NCOA2: variants seen among roughly 807,000 people sequenced by gnomAD.
The protein encoded by NCOA2 is nuclear receptor coactivator 2, also known as class E basic helix-loop-helix protein 75.
Under a neutral mutation model 145.1 loss-of-function variants are expected in NCOA2, and 21 were observed. The observed-to-expected ratio is 0.14, with a 90% confidence interval of 0.10 to 0.21. NCOA2 has a LOEUF of 0.21. Among genes scored for constraint, NCOA2 ranks in the 10% least tolerant of loss-of-function variants. NCOA2 has a pLI of 1.00. For missense variants in NCOA2, 1,472 were observed against 1,837.6 expected, an observed-to-expected ratio of 0.80 and a Z score of 3.64; for synonymous variants, 619 against 637.5, an observed-to-expected ratio of 0.97 and a Z score of 0.44.
chr8:70,440,639 G>A, the NCOA2 span, among the ~76,000 whole-genome samples: 1 of 146,788 alleles, frequency 6.8e-6, no homozygotes, highest in Non-Finnish European at 1.5e-5. Context: ...AAGAAAGAAA[G>A]AAGAGAGAGA....
intron 2 of NCOA2, among the ~76,000 whole-genome samples, chr8:70,270,667 ATTCTGCTTTAGTCTT>A (rs1217259595): frequency 6.6e-6 from 1 of 152,202 alleles, no homozygotes; most frequent in East Asian, 1.9e-4. Flanking sequence ...CCATAAAAAA[ATTCTGCTTTAGTCTT>A]TTCTGCTACC....
chr8:70,442,893 A>G, the NCOA2 span, among the ~76,000 whole-genome samples: 1 of 152,186 alleles, frequency 6.6e-6, no homozygotes, highest in Non-Finnish European at 1.5e-5. Context: ...AATGTCTCAC[A>G]TTTCATTATC....
chr8:70,137,055 T>C (rs908148162), intron 15 of NCOA2, among the ~76,000 whole-genome samples: 1 of 152,222 alleles, frequency 6.6e-6, no homozygotes, highest in Non-Finnish European at 1.5e-5. Flanking sequence ...ATGCTGACTC[T>C]ATCACTGGAG....
chr8:70,244,757 C>T (rs1029821693), intron 2 of NCOA2, among the ~76,000 whole-genome samples: 12 of 151,056 alleles, frequency 7.9e-5, no homozygotes, highest in African/African-American at 2.9e-4. Flanking sequence ...TACAAACAAG[C>T]GTGACACTGT....
intron 1 of NCOA2, among the ~76,000 whole-genome samples, chr8:70,392,880 G>T (rs542599353): frequency 6.6e-5 from 10 of 152,320 alleles, no homozygotes; most frequent in African/African-American, 2.4e-4. Context: ...TATTGTTTCT[G>T]ATTTGAAGGT....
chr8:70,165,482 C>T (rs1462689321), intron 7 of NCOA2, among the ~76,000 whole-genome samples: 3 of 152,220 alleles, frequency 2.0e-5, no homozygotes, highest in Non-Finnish European at 2.9e-5. Context: ...ATTATGTAGC[C>T]GGGGATGTTT....
At chr8:70,255,339 A>G (rs556003322) in intron 2 of NCOA2, among the ~76,000 whole-genome samples, 3 of 152,390 alleles carry the variant, frequency 2.0e-5, no homozygotes, top group Non-Finnish European at 2.9e-5. Flanking sequence ...TGTATCAACT[A>G]AACAAGAGAA....
intron 1 of NCOA2, among the ~76,000 whole-genome samples, chr8:70,364,761 A>G (rs886234849): frequency 2.0e-5 from 3 of 150,638 alleles, no homozygotes; most frequent in Admixed American, 2.0e-4. Flanking sequence ...AAAAAAAACT[A>G]GCAAATTTCA....
intron 1 of NCOA2, among the ~76,000 whole-genome samples, chr8:70,299,862 T>C (rs1009583849): frequency 6.6e-6 from 1 of 152,174 alleles, no homozygotes; most frequent in East Asian, 1.9e-4. Flanking sequence ...TTGTCCACAA[T>C]AGCCAAAAAT....
intron 4 of NCOA2, among the ~76,000 whole-genome samples, chr8:70,212,017 C>T (rs1819083976): frequency 6.6e-6 from 1 of 150,426 alleles, no homozygotes; most frequent in Non-Finnish European, 1.5e-5. Flanking sequence ...GGGGGAATTA[C>T]CAAGGTTTTG....
chr8:70,355,362 T>G (rs1408269573), intron 1 of NCOA2, among the ~76,000 whole-genome samples: 2 of 152,154 alleles, frequency 1.3e-5, no homozygotes, highest in Admixed American at 1.3e-4. Context: ...TAAGACAGAT[T>G]TCCACTCTTT....
chr8:70,339,813 A>G (rs1279421977), intron 1 of NCOA2, among the ~76,000 whole-genome samples: 3 of 152,194 alleles, frequency 2.0e-5, no homozygotes, highest in African/African-American at 7.2e-5. Context: ...GATCTTCAAC[A>G]AACCTGACAA....
intron 2 of NCOA2, among the ~76,000 whole-genome samples, chr8:70,249,101 C>T (rs1285190591): frequency 1.3e-5 from 2 of 152,072 alleles, no homozygotes; most frequent in East Asian, 3.8e-4. Flanking sequence ...TTACATGGCA[C>T]AACTGGCTCT....
chr8:70,196,562 CAG>C (rs1188314461), intron 4 of NCOA2, among the ~76,000 whole-genome samples: 1 of 152,134 alleles, frequency 6.6e-6, no homozygotes, highest in African/African-American at 2.4e-5. Flanking sequence ...TATAATGCCT[CAG>C]AGGCCTTGAC....
At chr8:70,214,365 A>G (rs1249188307) in intron 3 of NCOA2, among the ~76,000 whole-genome samples, 1 of 152,248 alleles carries the variant, frequency 6.6e-6, no homozygotes, top group Admixed American at 6.5e-5. Flanking sequence ...TGCTTAGTGC[A>G]GTACTTGAAA....
chr8:70,408,547 C>G (rs1814814882), upstream of NCOA2, among the ~76,000 whole-genome samples: 1 of 152,160 alleles, frequency 6.6e-6, no homozygotes, highest in African/African-American at 2.4e-5. Context: ...GCTTGTAGTT[C>G]CAGCTACTTG....
Position 70,205,059 on chromosome 8 carries a change from C to T in NCOA2, c.259+8844G>A, listed in dbSNP as rs1030791769. On this transcript the variant is annotated intron_variant, in intron 4 of 22. Transcript: ENST00000452400. Reference sequence around the variant, plus strand: ...GGTTAGGTAGATAATACAACCTCTGCCATCAAGAAATCTGTCATTCAGTGG... The same window carrying T: ...GGTTAGGTAGATAATACAACCTCTGTCATCAAGAAATCTGTCATTCAGTGG... Among the ~76,000 whole-genome samples the T allele has an allele frequency of 1.3e-4, 20 of 152,042 alleles. No homozygotes were observed. In the East Asian group the frequency reaches 1.4e-3, roughly 10 times the overall value.
intron 1 of NCOA2, among the ~76,000 whole-genome samples, chr8:70,359,278 T>C (rs1314735295): frequency 1.3e-5 from 2 of 152,106 alleles, no homozygotes; most frequent in African/African-American, 2.4e-5. Flanking sequence ...CATGTACACA[T>C]ATTGACAGCT....
intron 12 of NCOA2, among the ~76,000 whole-genome samples, chr8:70,145,989 C>T (rs890130158): frequency 4.6e-5 from 7 of 152,016 alleles, no homozygotes; most frequent in African/African-American, 1.7e-4. Flanking sequence ...GTTTTTTTCA[C>T]GTTATAATAT....
Sources: allele counts gnomAD v4.1 joint callset (sites outside exome capture counted in the v4.1 genomes callset), GRCh38; gene constraint gnomAD v4.1.1; transcripts MANE v1.5; gene names NCBI Gene and HGNC (gene_info 2026-07-23, HGNC 2026-07-21).